Variants in SIK3 observed in about 807,000 individuals in gnomAD.
The protein encoded by SIK3 is SIK family kinase 3.
SIK3 carries 28 observed loss-of-function variants against 144.2 expected under a neutral mutation model. That is an observed-to-expected ratio of 0.19 (90% CI 0.14 to 0.27). The LOEUF (loss-of-function observed/expected upper bound fraction) is 0.27, where lower values mean the gene tolerates loss of function less well. SIK3 is among the 10% of genes least tolerant of loss of function. The pLI, the probability that SIK3 is intolerant of heterozygous loss-of-function variation, is 1.00. For synonymous variants in SIK3, 686 were observed against 676.3 expected (o/e 1.01, Z -0.22); for missense variants, 1,319 against 1,776.0 (o/e 0.74, Z 4.62).
chr11:117,055,803 G>A (rs1275827071), intron 1 of SIK3, among the ~76,000 whole-genome samples: 1 of 152,190 alleles, frequency 6.6e-6, no homozygotes, highest in African/African-American at 2.4e-5. Flanking sequence ...GCAATTAGGT[G>A]CCCTTAAAAA....
chr11:117,069,571 G>C (rs370290079), intron 1 of SIK3, among the ~76,000 whole-genome samples: 1 of 152,116 alleles, frequency 6.6e-6, no homozygotes, highest in Non-Finnish European at 1.5e-5. Flanking sequence ...TTATTTCAGA[G>C]GGAAATAACG....
intron 1 of SIK3, among the ~76,000 whole-genome samples, chr11:117,065,641 ATT>A (rs35013282): frequency 0.21 from 30,387 of 146,238 alleles, 3,551 homozygotes; most frequent in African/African-American, 0.34. Context: ...TCATAAATTG[ATT>A]TTTTTTTTTT....
intron 1 of SIK3, among the ~76,000 whole-genome samples, chr11:116,981,653 T>G (rs2135514752): frequency 6.6e-6 from 1 of 152,292 alleles, no homozygotes; most frequent in Admixed American, 6.5e-5. Context: ...CATAGTTGCT[T>G]ATTTTCTTAC....
At position 117,023,612 on chromosome 11, in the gene SIK3, A is replaced by ACAAAC. The variant is rs1416005850; in HGVS notation, c.274-66549_274-66548insGTTTG. The stretch of plus-strand genomic sequence containing the variant: ...AACAAACAAACAAACAAACAAACAA[A>ACAAAC]AAAAAAAAAATATATATATATATAT... On this transcript the variant is annotated intron_variant, in intron 1 of 24. Coordinates refer to ENST00000445177, the MANE Select transcript of SIK3 (RefSeq NM_001366686.3). Among the ~76,000 whole-genome samples the ACAAAC allele has an allele frequency of 8.2e-3, 353 of 42,868 alleles. 2 individuals carry two copies. The highest frequency in any genetic ancestry group is 0.024 in the African/African-American group (281 of 11,530). The allele number at this position is 42,868 out of a possible 152,430, so 28.1% of individuals were successfully genotyped here. A position where few individuals can be genotyped will look rare whatever the true frequency, so the allele number is the denominator to read the frequency against.
At chr11:117,040,819 C>A (rs920915421) in intron 1 of SIK3, among the ~76,000 whole-genome samples, 2 of 151,908 alleles carry the variant, frequency 1.3e-5, no homozygotes, top group Non-Finnish European at 2.9e-5. Flanking sequence ...ATCATATTTT[C>A]TTTTCTTTTC....
At chr11:116,987,819 C>A (rs1254933119) in intron 1 of SIK3, among the ~76,000 whole-genome samples, 2 of 152,150 alleles carry the variant, frequency 1.3e-5, no homozygotes, top group Non-Finnish European at 2.9e-5. Context: ...TTACCTCAAA[C>A]TGTTGAAGAA....
At chr11:116,918,894 A>C (rs1210770667) in intron 4 of SIK3, among the ~76,000 whole-genome samples, 1 of 152,228 alleles carries the variant, frequency 6.6e-6, no homozygotes, top group South Asian at 2.1e-4. Flanking sequence ...CCCAAGGGTC[A>C]ACGTGCAGGA....
chr11:116,939,698 C>G (rs936031188), intron 3 of SIK3, among the ~76,000 whole-genome samples: 2 of 152,160 alleles, frequency 1.3e-5, no homozygotes, highest in African/African-American at 4.8e-5. Context: ...ATATAACTTC[C>G]ACTTTCCAAG....
chr11:117,085,701 T>A (rs1954973756), intron 1 of SIK3, among the ~76,000 whole-genome samples: 2 of 152,172 alleles, frequency 1.3e-5, no homozygotes, highest in South Asian at 4.1e-4. Flanking sequence ...GAGTAATGCA[T>A]GAGCCAGGCA....
intron 1 of SIK3, among the ~76,000 whole-genome samples, chr11:116,977,530 G>T (rs1949991165): frequency 6.6e-6 from 1 of 152,182 alleles, no homozygotes; most frequent in African/African-American, 2.4e-5. Flanking sequence ...AGTAGGTCAG[G>T]TCTGTGTGTA....
Position 117,003,175 on chromosome 11 carries a change from G to T in SIK3, c.274-46111C>A, listed in dbSNP as rs374741542. Among the ~76,000 whole-genome samples, 33 of 152,150 alleles carry T rather than the reference G, an allele frequency of 2.2e-4. No individual in the cohort carries two copies. The East Asian group carries it at 4.4e-3, about 20-fold the overall frequency. The stretch of plus-strand genomic sequence containing the variant: ...TTTGCTACATTAAGTCTCTTGCAAC[G>T]AATGATAAGAAATTCACATTGACTT... On this transcript the variant is annotated intron_variant, in intron 1 of 24. Coordinates refer to ENST00000445177, the MANE Select transcript of SIK3 (RefSeq NM_001366686.3).
chr11:116,971,827 G>A (rs1439013304), intron 1 of SIK3, among the ~76,000 whole-genome samples: 3 of 151,984 alleles, frequency 2.0e-5, no homozygotes, highest in Non-Finnish European at 2.9e-5. Context: ...GGTGGCTCAC[G>A]CCTGTAATCC....
chr11:117,087,427 A>G (rs1478917144), intron 1 of SIK3, among the ~76,000 whole-genome samples: 1 of 151,434 alleles, frequency 6.6e-6, no homozygotes, highest in Non-Finnish European at 1.5e-5. Context: ...TGGGTGACAG[A>G]GCAAGACTCT....
rs1367144891 is a variant in SIK3 at position 116,859,543 on chromosome 11, T to G, written c.2487A>C (p.Gln829His). Residue 829 changes from glutamine to histidine, a missense_variant, in exon 20 of 25, where the codon CAA becomes CAC. Around this residue, in one of 8 missense-constraint regions of SIK3, gnomAD observed 646 missense variants for 763.7 expected, o/e 0.85. Coordinates refer to ENST00000445177, the MANE Select transcript of SIK3 (RefSeq NM_001366686.3). ...TGGGAGGAGAGGAACAGTTCTCAGGTTGCTGCTGAAAGATTGCACTGCGGG... is the reference window on the plus strand; with the variant it reads ...TGGGAGGAGAGGAACAGTTCTCAGGGTGCTGCTGAAAGATTGCACTGCGGG... ...LPSRSAIFQQ[Q>H]PENCSSPPNV... 1 of 1,614,158 alleles carries G rather than the reference T, an allele frequency of 6.2e-7. No homozygotes were observed.
At position 116,885,717 on chromosome 11, in the gene SIK3, T is replaced by G. The variant is rs184561138; in HGVS notation, c.866-8675A>C. 9.6e-4 allele frequency among the ~76,000 whole-genome samples: 147 copies of G among 152,376 alleles called. 1 individual carries two copies. The South Asian group carries it at 0.011, about 12-fold the overall frequency. On this transcript the variant is annotated intron_variant, in intron 6 of 24. Transcript: ENST00000445177. ...TCTTGATTCTTGGACTAACTTACTA[T>G]GTATTTATTGAGAATGAAAATACAA...
At chr11:116,931,952 C>T (rs546509590) in intron 3 of SIK3, among the ~76,000 whole-genome samples, 39 of 152,290 alleles carry the variant, frequency 2.6e-4, no homozygotes, top group Non-Finnish European at 4.7e-4. Flanking sequence ...ATCCAACTAC[C>T]TCTTACCGGG....
At chr11:116,947,569 A>ATGTATGTATGTATTT (rs374241141) in intron 3 of SIK3, among the ~76,000 whole-genome samples, 10,097 of 109,022 alleles carry the variant, frequency 0.093, 709 homozygotes, top group Non-Finnish European at 0.13. Flanking sequence ...GTATGTATGT[A>ATGTATGTATGTATTT]TTTTTTTTTT....
intron 3 of SIK3, among the ~76,000 whole-genome samples, chr11:116,941,305 C>T (rs1260219085): frequency 1.3e-5 from 2 of 151,452 alleles, no homozygotes; most frequent in Non-Finnish European, 2.9e-5. Context: ...CGCGCCTGGC[C>T]GAAAATACCT....
chr11:117,009,826 A>C (rs1420937439), intron 1 of SIK3, among the ~76,000 whole-genome samples: 4 of 152,152 alleles, frequency 2.6e-5, no homozygotes, highest in South Asian at 2.1e-4. Context: ...ACTACTCCTC[A>C]AAAACATTTC....
Sources: gnomAD v4.1 joint callset for allele counts (sites outside exome capture counted in the v4.1 genomes callset) on GRCh38, gnomAD v4.1.1 for gene constraint, gnomAD v4.1.1 regional missense constraint, MANE v1.5 for transcripts, NCBI Gene and HGNC (gene_info 2026-07-23, HGNC 2026-07-21) for gene names.